NEK10: variants seen among roughly 807,000 people sequenced by gnomAD.
The protein encoded by NEK10 is serine/threonine-protein kinase Nek10.
A neutral mutation model predicts 159.8 loss-of-function variants in NEK10; 122 were observed. That is an observed-to-expected ratio of 0.76 (90% CI 0.66 to 0.89). The LOEUF (loss-of-function observed/expected upper bound fraction) is 0.89. Among genes scored for constraint, NEK10 ranks in the 40% least tolerant of loss-of-function variants. The pLI, the probability that NEK10 is intolerant of heterozygous loss-of-function variation, is 0.00. For missense variants in NEK10, 1,342 were observed against 1,323.1 expected, an observed-to-expected ratio of 1.01 and a Z score of -0.22; for synonymous variants, 466 against 457.1, an observed-to-expected ratio of 1.02 and a Z score of -0.25.
At chr3:27,271,031 G>A (rs1018007305) in intron 22 of NEK10, among the ~76,000 whole-genome samples, 7 of 152,102 alleles carry the variant, frequency 4.6e-5, no homozygotes, top group African/African-American at 1.7e-4. Flanking sequence ...TCCATGAGAG[G>A]ACTTTGTATT....
At chr3:27,171,966 C>A in intron 28 of NEK10, 93 bp from the exon 29 acceptor site, 2 of 1,319,706 alleles carry the variant, frequency 1.5e-6, no homozygotes, top group Admixed American at 2.3e-5. Flanking sequence ...ACAACAAATA[C>A]TGGTGAAGAT....
intron 23 of NEK10, chr3:27,252,099 C>T (rs577674638): frequency 4.0e-6 from 1 of 247,558 alleles, no homozygotes; most frequent in African/African-American, 2.2e-5. Context: ...CTAGTCAACT[C>T]CTCTAGGTCC....
At chr3:27,315,267 G>A (rs2149615710) in intron 6 of NEK10, among the ~76,000 whole-genome samples, 1 of 152,262 alleles carries the variant, frequency 6.6e-6, no homozygotes, top group Non-Finnish European at 1.5e-5. Flanking sequence ...ACATGAGCGT[G>A]GGAGAGAACA....
intron 22 of NEK10, among the ~76,000 whole-genome samples, chr3:27,264,009 A>T (rs1174559201): frequency 1.3e-5 from 2 of 152,194 alleles, no homozygotes; most frequent in Non-Finnish European, 2.9e-5. Context: ...GATGTATATT[A>T]TTATTTAATT....
intron 26 of NEK10, among the ~76,000 whole-genome samples, chr3:27,176,029 T>C (rs907980618): frequency 2.0e-5 from 3 of 152,184 alleles, no homozygotes; most frequent in Admixed American, 1.3e-4. Flanking sequence ...AAAAACTCCA[T>C]AATAATAGAA....
At chr3:27,365,259 C>T (rs1330212253) in intron 1 of NEK10, among the ~76,000 whole-genome samples, 1 of 152,134 alleles carries the variant, frequency 6.6e-6, no homozygotes, top group African/African-American at 2.4e-5. Context: ...TGTGCTTTAT[C>T]TGTCCTGCTT....
chr3:27,145,851 T>C (rs1189974724), intron 30 of NEK10, among the ~76,000 whole-genome samples: 1 of 151,920 alleles, frequency 6.6e-6, no homozygotes, highest in Non-Finnish European at 1.5e-5. Flanking sequence ...GGAAGTGAGC[T>C]TGGGAGGTGA....
At position 27,108,481 on chromosome 3, in the gene NEK10, A is replaced by G. The variant is rs747601949; in HGVS notation, c.*2791T>C. On this transcript the variant is annotated 3_prime_UTR_variant, in exon 36 of 36. Transcript: ENST00000691995. ...TTAAGGTTTCAAGTACACATAATTC[A>G]GAAAGAGCTGGTGGGTCGAAACATA... is the stretch of plus-strand genomic sequence containing the variant. Among the ~76,000 whole-genome samples the G allele has an allele frequency of 5.2e-4, 79 of 152,234 alleles. No individual in the cohort carries two copies. The highest frequency in any genetic ancestry group is 8.8e-4 in the Non-Finnish European group (60 of 68,040).
chr3:27,187,990 G>A (rs1948773440), intron 26 of NEK10, among the ~76,000 whole-genome samples: 1 of 152,092 alleles, frequency 6.6e-6, no homozygotes, highest in African/African-American at 2.4e-5. Context: ...TTGGTCCTGG[G>A]GCTGTCCCTA....
At chr3:27,277,172 G>A (rs1313717794) in intron 22 of NEK10, among the ~76,000 whole-genome samples, 3 of 152,194 alleles carry the variant, frequency 2.0e-5, no homozygotes, top group Non-Finnish European at 4.4e-5. Flanking sequence ...CAACCATCCT[G>A]TGACTATGAG....
chr3:27,196,886 G>T (rs1278478383), intron 25 of NEK10, among the ~76,000 whole-genome samples: 1 of 152,162 alleles, frequency 6.6e-6, no homozygotes, highest in Non-Finnish European at 1.5e-5. Context: ...GAGATGAGCA[G>T]TTTAAATATA....
intron 6 of NEK10, 114 bp from the exon 7 acceptor site, chr3:27,314,452 C>A: frequency 1.5e-6 from 1 of 688,374 alleles, no homozygotes; most frequent in Non-Finnish European, 2.6e-6. Flanking sequence ...TTGTGAAGGT[C>A]TACATTCTAA....
At chr3:27,261,903 A>C (rs74323034) in intron 22 of NEK10, among the ~76,000 whole-genome samples, 3 of 151,964 alleles carry the variant, frequency 2.0e-5, no homozygotes, top group Admixed American at 1.3e-4. Context: ...CAATCGGGGT[A>C]CCCCTGTATT....
At chr3:27,149,548 T>C (rs965722606) in intron 30 of NEK10, among the ~76,000 whole-genome samples, 5 of 152,162 alleles carry the variant, frequency 3.3e-5, no homozygotes, top group Admixed American at 6.5e-5. Flanking sequence ...GGATCCTGCA[T>C]GTCACTATTG....
chr3:27,295,491 C>T (rs2043292459), intron 15 of NEK10, 122 bp downstream of exon 15: 1 of 1,123,328 alleles, frequency 8.9e-7, no homozygotes, highest in Non-Finnish European at 1.2e-6. Flanking sequence ...AGATATTTTT[C>T]CCTCATAGTC....
At chr3:27,337,080 T>C (rs912385266) in intron 5 of NEK10, among the ~76,000 whole-genome samples, 7 of 151,980 alleles carry the variant, frequency 4.6e-5, no homozygotes, top group African/African-American at 1.7e-4. Flanking sequence ...ATCTTATATT[T>C]AGAAAAACCA....
chr3:27,278,590 T>C, intron 22 of NEK10: 1 of 580,560 alleles, frequency 1.7e-6, no homozygotes, highest in Non-Finnish European at 2.2e-6. Context: ...ACATAGCCTG[T>C]TTGTTTGCAA....
intron 1 of NEK10, among the ~76,000 whole-genome samples, chr3:27,368,576 T>C (rs1575980500): frequency 6.6e-6 from 1 of 151,972 alleles, no homozygotes; most frequent in East Asian, 1.9e-4. Context: ...TCGTCTAGAG[T>C]GTAGTTTTTG....
intron 23 of NEK10, among the ~76,000 whole-genome samples, chr3:27,250,037 C>T (rs1955491596): frequency 6.6e-6 from 1 of 152,042 alleles, no homozygotes; most frequent in South Asian, 2.1e-4. Flanking sequence ...CACTTTTTAA[C>T]TTATTGTTTC....
Sources: gnomAD v4.1 joint callset for allele counts (sites outside exome capture counted in the v4.1 genomes callset) on GRCh38, gnomAD v4.1.1 for gene constraint, MANE v1.5 for transcripts, NCBI Gene and HGNC (gene_info 2026-07-23, HGNC 2026-07-21) for gene names.